The following GMDS variants were observed in gnomAD, a reference collection of about 807,000 sequenced individuals.
GMDS encodes the protein GDP-mannose 4,6-dehydratase.
In GMDS, 20 loss-of-function variants were observed where a neutral mutation model predicts 49.9. That is an observed-to-expected ratio of 0.40 (90% CI 0.28 to 0.58). The LOEUF is 0.58. Among genes scored for constraint, GMDS ranks in the 20% least tolerant of loss-of-function variants. The pLI, the probability that GMDS is intolerant of heterozygous loss-of-function variation, is 0.42. For missense variants in GMDS, 362 were observed against 481.4 expected (o/e 0.75, Z 2.32); for synonymous variants, 177 against 178.6 (o/e 0.99, Z 0.07).
At chr6:1,810,738 T>C (rs1051046563) in intron 7 of GMDS, among the ~76,000 whole-genome samples, 1 of 152,126 alleles carries the variant, frequency 6.6e-6, no homozygotes, top group African/African-American at 2.4e-5. Flanking sequence ...TGACTGGACA[T>C]AACCTTGCAG....
chr6:1,700,448 C>T (rs1311078925), intron 9 of GMDS, among the ~76,000 whole-genome samples: 3 of 152,160 alleles, frequency 2.0e-5, no homozygotes, highest in Non-Finnish European at 4.4e-5. Context: ...GAGCCTGGGG[C>T]AAGTTCCATA....
At chr6:1,967,756 T>C (rs1383074653) in intron 4 of GMDS, among the ~76,000 whole-genome samples, 3 of 152,108 alleles carry the variant, frequency 2.0e-5, no homozygotes, top group African/African-American at 7.2e-5. Flanking sequence ...AGAGAAAGAT[T>C]TAAAGTCATA....
intron 7 of GMDS, among the ~76,000 whole-genome samples, chr6:1,840,590 T>C (rs1458857219): frequency 6.6e-6 from 1 of 152,194 alleles, no homozygotes; most frequent in Non-Finnish European, 1.5e-5. Flanking sequence ...TTGCTGCTAG[T>C]GGGGAGCCCC....
At chr6:2,100,880 T>G (rs1027745487) in intron 4 of GMDS, among the ~76,000 whole-genome samples, 3 of 152,076 alleles carry the variant, frequency 2.0e-5, no homozygotes, top group Admixed American at 6.6e-5. Context: ...GAAATGTAAT[T>G]CTTACAAAGA....
At chr6:1,656,017 G>A (rs1763868683) in intron 9 of GMDS, among the ~76,000 whole-genome samples, 1 of 152,192 alleles carries the variant, frequency 6.6e-6, no homozygotes. Context: ...GTGAGCAACT[G>A]GACCCAGGTC....
intron 7 of GMDS, among the ~76,000 whole-genome samples, chr6:1,782,276 C>A (rs1581174982): frequency 6.6e-6 from 1 of 152,310 alleles, no homozygotes; most frequent in Non-Finnish European, 1.5e-5. Context: ...AACCAATAAG[C>A]CTAAACATAG....
intron 7 of GMDS, among the ~76,000 whole-genome samples, chr6:1,862,515 A>G (rs1250293193): frequency 6.6e-6 from 1 of 152,234 alleles, no homozygotes; most frequent in African/African-American, 2.4e-5. Flanking sequence ...CTCAGAAAAA[A>G]TTCTTTGTAT....
chr6:1,897,092 A>G (rs1320182602), intron 7 of GMDS, among the ~76,000 whole-genome samples: 1 of 152,192 alleles, frequency 6.6e-6, no homozygotes, highest in African/African-American at 2.4e-5. Flanking sequence ...AAGGCTGCTT[A>G]GCTGGTTAGG....
intron 4 of GMDS, among the ~76,000 whole-genome samples, chr6:2,038,900 T>G (rs1769472460): frequency 1.3e-5 from 2 of 152,218 alleles, no homozygotes; most frequent in African/African-American, 4.8e-5. Context: ...GTCCCTCATT[T>G]AGATTTGTGG....
chr6:1,888,984 G>A (rs1375914528), intron 7 of GMDS, among the ~76,000 whole-genome samples: 1 of 152,138 alleles, frequency 6.6e-6, no homozygotes, highest in Non-Finnish European at 1.5e-5. Flanking sequence ...CATGGCCTTG[G>A]GTACTCCCAA....
chr6:1,820,355 C>T (rs1271092933), intron 7 of GMDS, among the ~76,000 whole-genome samples: 1 of 152,150 alleles, frequency 6.6e-6, no homozygotes, highest in Non-Finnish European at 1.5e-5. Flanking sequence ...CTTTGGCAGT[C>T]AAACAAAAAT....
At chr6:2,190,293 C>T (rs1243897262) in intron 1 of GMDS, among the ~76,000 whole-genome samples, 3 of 152,158 alleles carry the variant, frequency 2.0e-5, no homozygotes, top group Non-Finnish European at 2.9e-5. Context: ...ATTTTGATTG[C>T]TTGTTTTCTC....
intron 4 of GMDS, among the ~76,000 whole-genome samples, chr6:1,996,431 T>G (rs1051963017): frequency 2.6e-5 from 4 of 152,192 alleles, no homozygotes; most frequent in Non-Finnish European, 5.9e-5. Flanking sequence ...CTACCTCTAT[T>G]AGAACTAAGC....
At chr6:1,630,032 G>A (rs1340002639) in intron 9 of GMDS, among the ~76,000 whole-genome samples, 1 of 152,034 alleles carries the variant, frequency 6.6e-6, no homozygotes, top group Non-Finnish European at 1.5e-5. Context: ...GAACTTAATG[G>A]CATGTATAGT....
intron 9 of GMDS, among the ~76,000 whole-genome samples, chr6:1,660,172 C>T (rs1371588254): frequency 6.6e-6 from 1 of 152,112 alleles, no homozygotes; most frequent in African/African-American, 2.4e-5. Context: ...TGGAAAGCCC[C>T]TGCTGACCAT....
intron 9 of GMDS, among the ~76,000 whole-genome samples, chr6:1,646,883 G>A (rs1389057384): frequency 1.3e-5 from 2 of 152,260 alleles, no homozygotes; most frequent in African/African-American, 2.4e-5. Context: ...TGTGGTGGGG[G>A]GTGGGGTGGG....
intron 4 of GMDS, among the ~76,000 whole-genome samples, chr6:2,040,983 ACTTTT>A (rs1324632582): frequency 5.3e-5 from 8 of 152,178 alleles, no homozygotes; most frequent in African/African-American, 1.9e-4. Flanking sequence ...AAACGTCTAC[ACTTTT>A]CTTTTATTAA....
chr6:2,098,648 G>A (rs1013927423), intron 4 of GMDS, among the ~76,000 whole-genome samples: 8 of 152,034 alleles, frequency 5.3e-5, no homozygotes, highest in East Asian at 1.9e-4. Context: ...ATAAAAGCTC[G>A]GAGTAAACCT....
At chr6:2,208,396 G>A (rs1779903020) in intron 1 of GMDS, among the ~76,000 whole-genome samples, 1 of 152,140 alleles carries the variant, frequency 6.6e-6, no homozygotes, top group Admixed American at 6.5e-5. Context: ...CACAAAGAAA[G>A]GCTAAGCAAC....
Sources: allele counts gnomAD v4.1 joint callset (sites outside exome capture counted in the v4.1 genomes callset), GRCh38; gene constraint gnomAD v4.1.1; transcripts MANE v1.5; gene names NCBI Gene and HGNC (gene_info 2026-07-23, HGNC 2026-07-21).